Variants in RAB3GAP1 observed in about 807,000 individuals in gnomAD.
RAB3GAP1 encodes the protein RAB3 GTPase activating protein catalytic subunit 1.
In RAB3GAP1, 86 loss-of-function variants were observed where a neutral mutation model predicts 130.7. The ratio of observed to expected loss-of-function variants is 0.66; its 90% confidence interval spans 0.55 to 0.79. The LOEUF is 0.79. RAB3GAP1 is among the 30% of genes least tolerant of loss of function. The pLI, the probability that RAB3GAP1 is intolerant of heterozygous loss-of-function variation, is 0.00. For missense variants in RAB3GAP1, 1,029 were observed against 1,169.4 expected (o/e 0.88, Z 1.75); for synonymous variants, 367 against 401.7 (o/e 0.91, Z 1.03).
At chr2:135,117,462 G>T (rs62170191) in intron 7 of RAB3GAP1, among the ~76,000 whole-genome samples, 11,717 of 39,494 alleles carry the variant, frequency 0.3, 937 homozygotes, top group African/African-American at 0.44. Context: ...TTCTGCTTCT[G>T]CTTCTGCTTC....
chr2:135,055,630 AT>A (rs1688986906), intron 2 of RAB3GAP1, among the ~76,000 whole-genome samples: 1 of 150,016 alleles, frequency 6.7e-6, no homozygotes, highest in African/African-American at 2.5e-5. Flanking sequence ...GTGAGCTGTG[AT>A]TACACCACTG....
Position 135,091,090 on chromosome 2 carries a change from A to G in RAB3GAP1, c.243A>G (p.Gln81=). 6.2e-7 allele frequency: 1 copy of G among 1,601,528 alleles called. No individual in the cohort carries two copies. Residue 81 remains glutamine (Q), a synonymous_variant, in exon 4 of 24, where the codon CAA becomes CAG. Coordinates refer to ENST00000264158, the MANE Select transcript of RAB3GAP1 (RefSeq NM_012233.3). ...CAGTCACTCATCATTATCTTGTACA[A>G]GAGTCCACTGATAAAGAAGGAAAGG... The part of the protein sequence containing the change: ...KFSVTHHYLV[Q]ESTDKEGKDE...
intron 3 of RAB3GAP1, among the ~76,000 whole-genome samples, chr2:135,079,742 T>TA (rs1201189641): frequency 2.6e-5 from 4 of 152,230 alleles, no homozygotes; most frequent in African/African-American, 9.6e-5. Context: ...CATGTCCACT[T>TA]ACCCTACTGG....
At chr2:135,060,256 A>ATTTTTTTTT (rs60562266) in intron 3 of RAB3GAP1, among the ~76,000 whole-genome samples, 2 of 109,854 alleles carry the variant, frequency 1.8e-5, no homozygotes, top group Admixed American at 9.9e-5. Context: ...TAACTGCTTG[A>ATTTTTTTTT]TTTTTTTTTT....
chr2:135,069,680 T>A (rs1181887405), intron 3 of RAB3GAP1, among the ~76,000 whole-genome samples: 4 of 152,210 alleles, frequency 2.6e-5, no homozygotes, highest in Non-Finnish European at 5.9e-5. Flanking sequence ...CTCAACTACT[T>A]CTTTTTGTTC....
intron 13 of RAB3GAP1, among the ~76,000 whole-genome samples, chr2:135,132,058 A>C (rs1691562496): frequency 6.6e-6 from 1 of 152,238 alleles, no homozygotes. Flanking sequence ...TGAGAATAGG[A>C]TAATGCTGGT....
intron 5 of RAB3GAP1, among the ~76,000 whole-genome samples, chr2:135,103,061 G>C (rs62170172): frequency 1.3e-5 from 1 of 74,900 alleles, no homozygotes; most frequent in African/African-American, 1.7e-4. Flanking sequence ...TTTTTGAGAC[G>C]GAGTCTCGCT....
intron 3 of RAB3GAP1, among the ~76,000 whole-genome samples, chr2:135,077,249 G>A (rs1050550580): frequency 2.0e-5 from 3 of 151,046 alleles, no homozygotes; most frequent in Admixed American, 6.6e-5. Flanking sequence ...CAGCCTGGGC[G>A]ACAGAGCAAG....
Position 135,153,544 on chromosome 2 carries a change from G to T in RAB3GAP1, c.2062-105G>T, listed in dbSNP as rs1692229411. The T allele has an allele frequency of 2.9e-6, 3 of 1,040,804 alleles. No homozygotes were observed. In the Admixed American group the frequency reaches 5.4e-5, roughly 19 times the overall value. 64.5% of individuals were successfully genotyped at this position (1,040,804 alleles called of 1,614,324 possible). On this transcript the variant is annotated intron_variant, in intron 18 of 23. Coordinates refer to ENST00000264158, the MANE Select transcript of RAB3GAP1 (RefSeq NM_012233.3). ...CCAAATTCATTTTACATATTAGATTGTAAAGATTAGATAGGCTTTTTTTGA... is the reference window on the plus strand; with the variant it reads ...CCAAATTCATTTTACATATTAGATTTTAAAGATTAGATAGGCTTTTTTTGA...
chr2:135,123,601 T>C (rs535303225), intron 8 of RAB3GAP1, among the ~76,000 whole-genome samples: 6 of 152,178 alleles, frequency 3.9e-5, no homozygotes, highest in South Asian at 4.1e-4. Flanking sequence ...TCAGGAGAGA[T>C]AGAACTAAGG....
chr2:135,126,969 G>A (rs1289778114), intron 11 of RAB3GAP1, among the ~76,000 whole-genome samples: 5 of 151,862 alleles, frequency 3.3e-5, no homozygotes, highest in South Asian at 2.1e-4. Context: ...TCTGCCTCCC[G>A]GGTTCAAGTG....
intron 3 of RAB3GAP1, among the ~76,000 whole-genome samples, chr2:135,068,927 G>A (rs1188800234): frequency 6.6e-6 from 1 of 152,128 alleles, no homozygotes; most frequent in Non-Finnish European, 1.5e-5. Context: ...TGGCTGGGTA[G>A]GGATCACATT....
chr2:135,171,029 G>A (rs1158370805), downstream of RAB3GAP1, among the ~76,000 whole-genome samples: 3 of 152,038 alleles, frequency 2.0e-5, no homozygotes, highest in Admixed American at 1.3e-4. Flanking sequence ...TGAAGCCACT[G>A]TGAAGAAGGC....
rs886054852 is a variant in RAB3GAP1 at position 135,130,564 on chromosome 2, T to C, written c.1079T>C (p.Ile360Thr). ...GTTCTTTTTATAGAAACTGCTGATA[T>C]AACTCATGCTTTGTCAAAATTGACA... ...FEEEGKETADITHALSKLTEP... is the reference protein window; with the variant it reads ...FEEEGKETADTTHALSKLTEP... Residue 360 changes from isoleucine (I) to threonine (T), a missense_variant, in exon 13 of 24, where the codon ATA becomes ACA. By Grantham distance (89) the Ile-to-Thr change is moderately conservative. Coordinates refer to ENST00000264158, the MANE Select transcript of RAB3GAP1 (RefSeq NM_012233.3). 5 of 1,612,964 alleles carry C rather than the reference T, an allele frequency of 3.1e-6. No individual in the cohort carries two copies. Among genetic ancestry groups the C allele is most frequent in the Admixed American group, 1.7e-5 (1 of 59,940 alleles).
At chr2:135,156,420 T>G (rs1417589135) in intron 19 of RAB3GAP1, among the ~76,000 whole-genome samples, 1 of 152,078 alleles carries the variant, frequency 6.6e-6, no homozygotes. Flanking sequence ...CTTAAGAAAT[T>G]TAATGCAAAA....
chr2:135,158,670 A>G (rs1450633181), intron 19 of RAB3GAP1, among the ~76,000 whole-genome samples: 1 of 152,226 alleles, frequency 6.6e-6, no homozygotes, highest in African/African-American at 2.4e-5. Context: ...AATCATGAAT[A>G]TTAAGTCTAG....
At chr2:135,163,927 T>C (rs1241978429) in intron 22 of RAB3GAP1, among the ~76,000 whole-genome samples, 1 of 152,240 alleles carries the variant, frequency 6.6e-6, no homozygotes, top group Non-Finnish European at 1.5e-5. Flanking sequence ...ACTGCTTTGC[T>C]CTTGAAAATG....
Position 135,158,952 on chromosome 2 carries a change from T to C in RAB3GAP1, c.2290-3603T>C, listed in dbSNP as rs575395489. ...TGAGGAACATTCTATTTTAAAAAGA[T>C]TTTGAAAAAAGAAAAATTTGCAGAA... On this transcript the variant is annotated intron_variant, in intron 19 of 23. Transcript: ENST00000264158. Among the ~76,000 whole-genome samples the C allele has an allele frequency of 1.4e-4, 21 of 152,216 alleles. No individual in the cohort carries two copies. In the South Asian group the frequency reaches 4.1e-3, roughly 30 times the overall value.
intron 19 of RAB3GAP1, among the ~76,000 whole-genome samples, chr2:135,161,920 G>A (rs968395121): frequency 8.6e-5 from 13 of 152,032 alleles, no homozygotes; most frequent in African/African-American, 3.1e-4. Flanking sequence ...GCATTTATCA[G>A]TCAGACTCAC....
Sources: allele counts gnomAD v4.1 joint callset (sites outside exome capture counted in the v4.1 genomes callset), GRCh38; gene constraint gnomAD v4.1.1; transcripts MANE v1.5; gene names NCBI Gene and HGNC (gene_info 2026-07-23, HGNC 2026-07-21).